Variants in DPY19L2 observed in about 807,000 individuals in gnomAD.
DPY19L2 encodes the protein probable C-mannosyltransferase DPY19L2.
DPY19L2 carries 34 observed loss-of-function variants against 97.9 expected under a neutral mutation model. The ratio of observed to expected loss-of-function variants is 0.35; its 90% CI spans 0.26 to 0.46. The LOEUF (loss-of-function observed/expected upper bound fraction) is 0.46, where lower values mean the gene tolerates loss of function less well. Ranked by LOEUF, DPY19L2 falls within the 20% of genes least tolerant of loss-of-function variation. The probability of loss-of-function intolerance (pLI) is 1.00; values close to 1 mark genes in which losing one functional copy is unlikely to be tolerated. For missense variants in DPY19L2, 623 were observed against 911.4 expected, an observed-to-expected ratio of 0.68 and a Z score of 4.07; for synonymous variants, 230 against 307.9, an observed-to-expected ratio of 0.75 and a Z score of 2.65.
At chr12:63,637,118 A>G (rs1259251615) in intron 6 of DPY19L2, among the ~76,000 whole-genome samples, 2 of 152,226 alleles carry the variant, frequency 1.3e-5, no homozygotes, top group Admixed American at 6.5e-5. Context: ...ACTAGAACTC[A>G]GGATTAAGAA....
intron 6 of DPY19L2, among the ~76,000 whole-genome samples, chr12:63,636,086 G>A (rs2138019231): frequency 7.4e-6 from 1 of 134,956 alleles, no homozygotes; most frequent in South Asian, 2.4e-4. Context: ...TCTCTTGGCA[G>A]AAACTCTACA....
At chr12:63,615,410 T>C (rs1887672359) in intron 11 of DPY19L2, among the ~76,000 whole-genome samples, 1 of 152,160 alleles carries the variant, frequency 6.6e-6, no homozygotes, top group Non-Finnish European at 1.5e-5. Context: ...AGAGAGACAT[T>C]ATGTGCCTTT....
intron 8 of DPY19L2, among the ~76,000 whole-genome samples, chr12:63,622,572 AGTG>A: frequency 6.6e-6 from 1 of 152,104 alleles, no homozygotes; most frequent in East Asian, 1.9e-4. Flanking sequence ...GGACGTGTGC[AGTG>A]TTCTGTGGTT....
intron 12 of DPY19L2, among the ~76,000 whole-genome samples, chr12:63,607,002 G>T (rs1886145937): frequency 6.6e-6 from 1 of 152,066 alleles, no homozygotes; most frequent in Admixed American, 6.6e-5. Context: ...TTTTGCCAAA[G>T]ATACACAGAG....
chr12:63,628,994 CA>C (rs1472423688), intron 6 of DPY19L2, among the ~76,000 whole-genome samples: 1 of 152,036 alleles, frequency 6.6e-6, no homozygotes, highest in Non-Finnish European at 1.5e-5. Context: ...AACAGACCTG[CA>C]GCTGAGGGTC....
At position 63,651,933 on chromosome 12, in the gene DPY19L2, T is replaced by C. The variant is rs1295554386; in HGVS notation, c.589-4568A>G. The C allele has an allele frequency of 1.0e-5, 4 of 385,888 alleles. 1 individual carries two copies. The East Asian group carries it at 3.3e-4, about 32-fold the overall frequency. The allele number at this position is 385,888 out of a possible 1,614,324, so 23.9% of individuals were successfully genotyped here. A position where few individuals can be genotyped will look rare whatever the true frequency, so the allele number is the denominator to read the frequency against. ...CCTCAAGGCTGTCCCTTCCCAGAAG[T>C]GGAACTGAGGACCCCTTGGGCCTGG... On this transcript the variant is annotated intron_variant, in intron 4 of 21. Transcript: ENST00000324472.
intron 6 of DPY19L2, among the ~76,000 whole-genome samples, chr12:63,635,601 T>A (rs1293700272): frequency 1.3e-5 from 2 of 152,076 alleles, no homozygotes; most frequent in East Asian, 1.9e-4. Flanking sequence ...AATGACCTGA[T>A]GGAGGTGAAA....
At chr12:63,598,854 G>T (rs1371579539) in intron 13 of DPY19L2, among the ~76,000 whole-genome samples, 1 of 151,916 alleles carries the variant, frequency 6.6e-6, no homozygotes, top group Non-Finnish European at 1.5e-5. Flanking sequence ...GGACTACCAA[G>T]GAAGTGTGTT....
At chr12:63,626,294 T>C (rs1592621959) in intron 7 of DPY19L2, among the ~76,000 whole-genome samples, 175 bp downstream of exon 7, 1 of 151,828 alleles carries the variant, frequency 6.6e-6, no homozygotes, top group East Asian at 1.9e-4. Flanking sequence ...TTTGAAATTC[T>C]AGCTATTTAA....
chr12:63,570,698 A>C, intron 20 of DPY19L2, 60 bp downstream of exon 20: 1 of 1,546,620 alleles, frequency 6.5e-7, no homozygotes, highest in Non-Finnish European at 8.8e-7. Context: ...AAATTTTCCC[A>C]ATTCCTAAGA....
At position 63,644,482 on chromosome 12, in the gene DPY19L2, C is replaced by G. The variant is rs1322770497; in HGVS notation, c.724G>C (p.Ala242Pro). The G allele has an allele frequency of 1.2e-6, 2 of 1,609,266 alleles. No individual in the cohort carries two copies. The highest frequency in any genetic ancestry group is 1.1e-5 in the South Asian group (1 of 90,020). The change falls in exon 6 of 22, where the codon GCT (alanine) becomes CCT (proline). Residue 242 changes from alanine (A) to proline (P), a missense_variant. Ala to Pro is a conservative substitution (Grantham distance 27). Around this residue, in one of 6 missense-constraint regions of DPY19L2, gnomAD observed 27 missense variants for 77.5 expected, o/e 0.35. Coordinates refer to ENST00000324472, the MANE Select transcript of DPY19L2 (RefSeq NM_173812.5). ...AAGATTACACCAACATAAAAGCAAG[C>G]AGGATCTCCCAATCCTTTGAAAAGA... ...VQSCEGLGDP[A>P]CFYVGVIFIL... is the part of the protein sequence containing the mutation.
intron 8 of DPY19L2, among the ~76,000 whole-genome samples, 184 bp from the exon 9 acceptor site, chr12:63,621,521 A>T (rs576825380): frequency 6.6e-6 from 1 of 152,328 alleles, no homozygotes; most frequent in Non-Finnish European, 1.5e-5. Context: ...CCTTGCATGA[A>T]GCAATCAAAA....
chr12:63,625,732 G>A (rs1470250615), intron 7 of DPY19L2, among the ~76,000 whole-genome samples: 1 of 152,106 alleles, frequency 6.6e-6, no homozygotes, highest in Non-Finnish European at 1.5e-5. Context: ...TCTTAACTGT[G>A]TCCCTGCTGT....
At chr12:63,595,502 C>T (rs911344664) in intron 15 of DPY19L2, among the ~76,000 whole-genome samples, 7 of 152,112 alleles carry the variant, frequency 4.6e-5, no homozygotes, top group African/African-American at 9.7e-5. Context: ...ATTTCTTCTA[C>T]GCAGGCCCAC....
At chr12:63,610,657 T>C (rs11175068) in intron 11 of DPY19L2, among the ~76,000 whole-genome samples, 26,415 of 150,200 alleles carry the variant, frequency 0.18, 3,207 homozygotes, top group African/African-American at 0.36. Flanking sequence ...TCGAACCAGA[T>C]GGCTTCACTG....
chr12:63,664,240 G>A (rs778607022), intron 2 of DPY19L2, among the ~76,000 whole-genome samples: 1 of 152,080 alleles, frequency 6.6e-6, no homozygotes, highest in Non-Finnish European at 1.5e-5. Flanking sequence ...GGGAGGCTGA[G>A]GCAGGAGAAT....
intron 4 of DPY19L2, among the ~76,000 whole-genome samples, chr12:63,654,287 T>G (rs1894666301): frequency 6.6e-6 from 1 of 152,156 alleles, no homozygotes; most frequent in African/African-American, 2.4e-5. Context: ...TAAATTGTGT[T>G]AATACAATCA....
At position 63,570,788 on chromosome 12, in the gene DPY19L2, T is replaced by A. The variant is rs1415435279; in HGVS notation, c.1970A>T (p.Asn657Ile). Residue 657 changes from asparagine to isoleucine, a missense_variant, in exon 20 of 22, where the codon AAT becomes ATT. Asn to Ile is a moderately radical substitution (Grantham distance 149). This residue lies in a region of DPY19L2 where 294 missense variants were observed against 446.2 expected (regional missense o/e 0.66). Coordinates refer to ENST00000324472, the MANE Select transcript of DPY19L2 (RefSeq NM_173812.5). ...IKLSTLHPIV[N>I]HPHYEDADLR... ...GTCTGCATCTTCGTAATGTGGATGA[T>A]TCACAATGGGATGAAGTGTAGACAG... The A allele has an allele frequency of 6.2e-7, 1 of 1,612,930 alleles. No individual in the cohort carries two copies. Among genetic ancestry groups the A allele is most frequent in the Non-Finnish European group, 8.5e-7 (1 of 1,179,428 alleles).
rs1199427202 is a variant in DPY19L2, at chr12:63,668,301, C to T, written c.93G>A (p.Pro31=). ...ACTTTTCCATCTCCTCCTCTACCTC[C>T]GGCTCCCGGGCGAGGGAGGCCCCGC... The part of the protein sequence containing the change: ...GRRGASLARE[P]EVEEEMEKSA... The change falls in exon 1 of 22, where the codon CCG becomes CCA. Residue 31 remains proline, a synonymous_variant. Transcript: ENST00000324472. 1 of 1,613,952 alleles carries T rather than the reference C, an allele frequency of 6.2e-7. No individual in the cohort carries two copies. Among genetic ancestry groups the T allele is most frequent in the African/African-American group, 1.3e-5 (1 of 75,026 alleles).
Sources: allele counts gnomAD v4.1 joint callset (sites outside exome capture counted in the v4.1 genomes callset), GRCh38; gene constraint gnomAD v4.1.1; regional missense constraint gnomAD v4.1.1; transcripts MANE v1.5; gene names NCBI Gene and HGNC (gene_info 2026-07-23, HGNC 2026-07-21).